The following ABCB1 variants were observed in gnomAD, a reference collection of about 807,000 sequenced individuals.
ABCB1 encodes the protein ATP binding cassette subfamily B member 1.
Under a neutral mutation model 142.0 loss-of-function variants are expected in ABCB1, and 69 were observed. The ratio of observed to expected loss-of-function variants is 0.49; its 90% CI spans 0.40 to 0.59. The LOEUF (loss-of-function observed/expected upper bound fraction) is 0.59. ABCB1 is among the 20% of genes least tolerant of loss of function. The probability of loss-of-function intolerance (pLI) is 0.00; values close to 1 mark genes in which losing one functional copy is unlikely to be tolerated. For synonymous variants in ABCB1, 532 were observed against 539.2 expected, an observed-to-expected ratio of 0.99 and a Z score of 0.18; for missense variants, 1,326 against 1,554.7, an observed-to-expected ratio of 0.85 and a Z score of 2.47.
intron 1 of ABCB1, among the ~76,000 whole-genome samples, chr7:87,712,093 T>C (rs1463127416): frequency 6.6e-6 from 1 of 152,186 alleles, no homozygotes; most frequent in African/African-American, 2.4e-5. Context: ...TCTATCTTTA[T>C]TGGTAATATA....
At chr7:87,564,143 A>G in intron 7 of ABCB1, 1 of 453,336 alleles carries the variant, frequency 2.2e-6, no homozygotes, top group South Asian at 1.6e-5. Context: ...ACAGACCTGC[A>G]CTTACACCCC....
chr7:87,669,455 G>T (rs1216367603), intron 1 of ABCB1, among the ~76,000 whole-genome samples: 1 of 152,106 alleles, frequency 6.6e-6, no homozygotes, highest in Non-Finnish European at 1.5e-5. Context: ...TTTAAGTGGG[G>T]CATTTAGCCC....
intron 1 of ABCB1, among the ~76,000 whole-genome samples, chr7:87,690,880 G>C (rs1481864675): frequency 6.6e-6 from 1 of 151,390 alleles, no homozygotes; most frequent in Non-Finnish European, 1.5e-5. Context: ...TTCCATCTTG[G>C]TACATTTATA....
chr7:87,601,049 G>A (rs1031971223), upstream of ABCB1: 3 of 152,196 alleles, frequency 2.0e-5, no homozygotes, highest in African/African-American at 7.2e-5. Context: ...GAATTTCCAG[G>A]AGGAATGTTC....
intron 1 of ABCB1, chr7:87,629,028 G>A (rs1020168589): frequency 8.0e-5 from 96 of 1,204,378 alleles, no homozygotes; most frequent in Non-Finnish European, 1.0e-4. Flanking sequence ...TGGGGGTCCC[G>A]GGCATGATGG....
chr7:87,544,903 G>A lies in ABCB1; in HGVS notation c.1984C>T (p.Leu662=), dbSNP rs138422716. The change falls in exon 16 of 28, where the codon CTA becomes TTA. Residue 662 remains leucine, a synonymous_variant. Coordinates refer to ENST00000622132, the MANE Select transcript of ABCB1 (RefSeq NM_001348946.2). The stretch of plus-strand genomic sequence containing the variant: ...CTACGAGTTGATCTTTTTCTTATTA[G>A]ACTGGATCTTGAATCATTTGAAGAC... The part of the protein sequence containing the change: ...EMSSNDSRSS[L]IRKRSTRRSV... The A allele has an allele frequency of 2.9e-5, 47 of 1,614,024 alleles. No homozygotes were observed. The African/African-American group carries it at 4.4e-4, about 15-fold the overall frequency.
chr7:87,610,868 G>A (rs1399056890), intron 1 of ABCB1, among the ~76,000 whole-genome samples: 1 of 152,050 alleles, frequency 6.6e-6, no homozygotes, highest in African/African-American at 2.4e-5. Flanking sequence ...TTTACTTTGC[G>A]TCAGAAACCT....
chr7:87,709,970 G>T (rs1222493925), intron 1 of ABCB1, among the ~76,000 whole-genome samples: 2 of 152,038 alleles, frequency 1.3e-5, no homozygotes, highest in Admixed American at 6.6e-5. Flanking sequence ...TCTGTTTTTT[G>T]TTGTTGTTGT....
At chr7:87,710,689 T>A (rs756562796) in intron 1 of ABCB1, 7 of 1,204,110 alleles carry the variant, frequency 5.8e-6, no homozygotes, top group Non-Finnish European at 8.4e-6. Context: ...TAATATATAT[T>A]TGAAAGAATC....
chr7:87,654,726 G>A (rs1823913634), intron 1 of ABCB1, among the ~76,000 whole-genome samples: 1 of 151,716 alleles, frequency 6.6e-6, no homozygotes, highest in African/African-American at 2.4e-5. Context: ...ATAAACAAGT[G>A]GAATTACATC....
rs28381835 is a variant in ABCB1 at position 87,570,899 on chromosome 7, A to G, written c.287-676T>C. Among the ~76,000 whole-genome samples the G allele has an allele frequency of 2.2e-3, 340 of 152,288 alleles. 1 individual carries two copies. The highest frequency in any genetic ancestry group is 7.9e-3 in the African/African-American group (328 of 41,564). ...ACACTTATTTTTTAACAATGGAGTC[A>G]TAGTTTACATTTAGTGGCCAAATTT... On this transcript the variant is annotated intron_variant, in intron 4 of 27. Coordinates refer to ENST00000622132, the MANE Select transcript of ABCB1 (RefSeq NM_001348946.2).
intron 26 of ABCB1, among the ~76,000 whole-genome samples, chr7:87,508,801 G>A (rs1814868167): frequency 6.6e-6 from 1 of 152,152 alleles, no homozygotes; most frequent in Admixed American, 6.5e-5. Context: ...GAGCTGCAAG[G>A]AGGAAGAAGG....
chr7:87,591,292 A>G (rs1359150692), intron 3 of ABCB1, among the ~76,000 whole-genome samples: 1 of 152,228 alleles, frequency 6.6e-6, no homozygotes, highest in East Asian at 1.9e-4. Context: ...TTAGCCCAGT[A>G]AAACTTCGAT....
At chr7:87,565,834 C>T (rs887019967) in intron 7 of ABCB1, among the ~76,000 whole-genome samples, 1 of 151,792 alleles carries the variant, frequency 6.6e-6, no homozygotes, top group Admixed American at 6.6e-5. Flanking sequence ...ATGAGAGCTA[C>T]ATTCTTCTTT....
chr7:87,609,940 C>T (rs1457031200), intron 1 of ABCB1, among the ~76,000 whole-genome samples: 1 of 152,030 alleles, frequency 6.6e-6, no homozygotes, highest in Admixed American at 6.6e-5. Flanking sequence ...ATACCTAAAA[C>T]TATATTAACA....
chr7:87,546,828 T>C (rs751247691), intron 14 of ABCB1, among the ~76,000 whole-genome samples: 3 of 152,168 alleles, frequency 2.0e-5, no homozygotes, highest in Non-Finnish European at 4.4e-5. Flanking sequence ...TTTTATCCAA[T>C]AAAATATTTT....
chr7:87,519,936 T>C (rs1476592504), intron 22 of ABCB1, among the ~76,000 whole-genome samples: 1 of 152,208 alleles, frequency 6.6e-6, no homozygotes, highest in Non-Finnish European at 1.5e-5. Context: ...GTTGAATTAC[T>C]ATTTATGCAT....
intron 1 of ABCB1, among the ~76,000 whole-genome samples, chr7:87,701,947 T>G (rs915650638): frequency 6.6e-6 from 1 of 151,740 alleles, no homozygotes; most frequent in Non-Finnish European, 1.5e-5. Flanking sequence ...ATCGAGACCA[T>G]CCTGGCTAAC....
In ABCB1 at chr7:87,628,584, CGTGTGTGTGTGTGT is replaced by C. The variant is rs71117546; in HGVS notation, c.-330-27520_-330-27507del. ...CGAGGGCGGAGGTGGTGCGTGCGTGCGTGTGTGTGTGTGTGTGTGTGTGTGTGTGTGTGTGTGTG... is the reference window on the plus strand; with the variant it reads ...CGAGGGCGGAGGTGGTGCGTGCGTGCGTGTGTGTGTGTGTGTGTGTGTGTG... On this transcript the variant is annotated intron_variant, in intron 1 of 28. Transcript: ENST00000265724. 3.9e-3 allele frequency: 1,142 copies of C among 290,108 alleles called. 6 individuals are homozygous for C. Among genetic ancestry groups the C allele is most frequent in the South Asian group, 0.021 (122 of 5,762 alleles). 18.0% of individuals were successfully genotyped at this position (290,108 alleles called of 1,614,324 possible). A position where few individuals can be genotyped will look rare whatever the true frequency, so the allele number is the denominator to read the frequency against.
Sources: allele counts gnomAD v4.1 joint callset (sites outside exome capture counted in the v4.1 genomes callset), GRCh38; gene constraint gnomAD v4.1.1; transcripts MANE v1.5; gene names NCBI Gene and HGNC (gene_info 2026-07-23, HGNC 2026-07-21).